SGCD: variants seen among roughly 807,000 people sequenced by gnomAD.
SGCD encodes sarcoglycan delta, also known as delta-sarcoglycan.
SGCD carries 18 observed loss-of-function variants against 36.6 expected under a neutral mutation model. That is an observed-to-expected ratio of 0.49 (90% CI 0.34 to 0.73). The LOEUF (loss-of-function observed/expected upper bound fraction) is 0.73, where lower values mean the gene tolerates loss of function less well. Among genes scored for constraint, SGCD ranks in the 30% least tolerant of loss-of-function variants. The probability of loss-of-function intolerance (pLI) is 0.01; values close to 1 mark genes in which losing one functional copy is unlikely to be tolerated. For synonymous variants in SGCD, 133 were observed against 130.6 expected, an observed-to-expected ratio of 1.02 and a Z score of -0.12; for missense variants, 387 against 346.7, an observed-to-expected ratio of 1.12 and a Z score of -0.92.
At chr5:156,354,528 C>T (rs141329433) in intron 3 of SGCD, among the ~76,000 whole-genome samples, 7 of 152,270 alleles carry the variant, frequency 4.6e-5, no homozygotes, top group African/African-American at 1.7e-4. Flanking sequence ...GGACAATATT[C>T]GTGACCTTTT....
chr5:155,868,569 G>A (rs1056718976), upstream of SGCD, among the ~76,000 whole-genome samples: 2 of 151,944 alleles, frequency 1.3e-5, no homozygotes, highest in African/African-American at 2.4e-5. Flanking sequence ...GTAAGTAGAT[G>A]ATAGAAGCAG....
At chr5:156,149,814 G>A (rs1299367317) in intron 3 of SGCD, among the ~76,000 whole-genome samples, 1 of 152,202 alleles carries the variant, frequency 6.6e-6, no homozygotes, top group Non-Finnish European at 1.5e-5. Flanking sequence ...TCATTTGTGA[G>A]ATGCTGAAAG....
rs1258384385 is a variant in SGCD, at chr5:156,345,137, C to G, written c.192+460C>G. Among the ~76,000 whole-genome samples the G allele has an allele frequency of 2.0e-5, 3 of 152,164 alleles. No individual in the cohort carries two copies. The East Asian group carries it at 5.8e-4, about 29-fold the overall frequency. On this transcript the variant is annotated intron_variant, in intron 3 of 8. Transcript: ENST00000337851. ...ATTTTAACTATTTATGCTTGATTATCCATCACTCTGGTTAGTTAAGAATAT... is the reference window on the plus strand; with the variant it reads ...ATTTTAACTATTTATGCTTGATTATGCATCACTCTGGTTAGTTAAGAATAT...
chr5:156,447,257 A>T (rs1241507971), intron 3 of SGCD, among the ~76,000 whole-genome samples: 1 of 152,220 alleles, frequency 6.6e-6, no homozygotes, highest in Admixed American at 6.5e-5. Context: ...TTCTGTACAG[A>T]TAGAACCATA....
At chr5:156,495,786 A>G (rs1756156328) in intron 3 of SGCD, among the ~76,000 whole-genome samples, 1 of 152,168 alleles carries the variant, frequency 6.6e-6, no homozygotes, top group Non-Finnish European at 1.5e-5. Flanking sequence ...AGGATTTATA[A>G]GCTCACATTT....
At chr5:156,623,212 T>C (rs61044856) in intron 6 of SGCD, among the ~76,000 whole-genome samples, 5 of 152,088 alleles carry the variant, frequency 3.3e-5, no homozygotes, top group Non-Finnish European at 7.4e-5. Flanking sequence ...AGTATTGCAG[T>C]GGGCACTGTG....
chr5:156,406,819 T>TATAC (rs1427064578), intron 3 of SGCD, among the ~76,000 whole-genome samples: 18 of 104,306 alleles, frequency 1.7e-4, no homozygotes, highest in East Asian at 6.8e-4. Context: ...TATATATATA[T>TATAC]ACACACACAC....
chr5:156,408,918 G>C (rs985702775), intron 3 of SGCD, among the ~76,000 whole-genome samples: 2 of 152,100 alleles, frequency 1.3e-5, no homozygotes, highest in Admixed American at 6.6e-5. Context: ...TATAAAGGGG[G>C]GTAATAGCCC....
At chr5:156,233,614 C>A (rs1296088359) in intron 3 of SGCD, among the ~76,000 whole-genome samples, 1 of 152,212 alleles carries the variant, frequency 6.6e-6, no homozygotes, top group African/African-American at 2.4e-5. Flanking sequence ...TACAGTGTCA[C>A]ATTTTTGTGT....
chr5:155,735,190 A>G, the SGCD span, among the ~76,000 whole-genome samples: 244 of 152,354 alleles, frequency 1.6e-3, no homozygotes, highest in African/African-American at 5.2e-3. Context: ...ATGAGGTCTA[A>G]TGCGTCCCTA....
At chr5:156,584,916 A>C (rs1760431101) in intron 4 of SGCD, among the ~76,000 whole-genome samples, 1 of 152,182 alleles carries the variant, frequency 6.6e-6, no homozygotes, top group Non-Finnish European at 1.5e-5. Flanking sequence ...TGATCTGAGC[A>C]TTCAGTTATT....
the SGCD span, among the ~76,000 whole-genome samples, chr5:155,797,582 C>A: frequency 0.86 from 131,207 of 152,130 alleles, 56,696 homozygotes; most frequent in East Asian, 0.99. Context: ...AGTTCCACTA[C>A]AGATCCTTGG....
chr5:155,867,329 A>T (rs1755543224), upstream of SGCD, among the ~76,000 whole-genome samples: 1 of 152,166 alleles, frequency 6.6e-6, no homozygotes, highest in Admixed American at 6.5e-5. Flanking sequence ...GTAATTGGTG[A>T]TGGGGAAATG....
intron 1 of SGCD, among the ~76,000 whole-genome samples, chr5:155,977,418 A>C (rs1020866249): frequency 2.0e-5 from 3 of 152,252 alleles, no homozygotes; most frequent in African/African-American, 7.2e-5. Context: ...TATAAACTCC[A>C]TAATACTGGC....
At chr5:156,107,850 G>A (rs1008269622) in intron 1 of SGCD, among the ~76,000 whole-genome samples, 3 of 152,066 alleles carry the variant, frequency 2.0e-5, no homozygotes, top group South Asian at 4.1e-4. Context: ...GATTTACATA[G>A]TGTTTATAAT....
chr5:156,355,233 TACA>T (rs1300094182), intron 3 of SGCD, among the ~76,000 whole-genome samples: 1 of 152,218 alleles, frequency 6.6e-6, no homozygotes, highest in Non-Finnish European at 1.5e-5. Context: ...TGCCTCACCA[TACA>T]ACAATTTTTG....
intron 3 of SGCD, among the ~76,000 whole-genome samples, chr5:156,289,761 C>A (rs1431182983): frequency 6.6e-6 from 1 of 151,974 alleles, no homozygotes; most frequent in South Asian, 2.1e-4. Context: ...TCAAGCAATC[C>A]GCCCGTCCTA....
At chr5:156,191,986 G>T (rs1033248322) in intron 3 of SGCD, among the ~76,000 whole-genome samples, 2 of 152,170 alleles carry the variant, frequency 1.3e-5, no homozygotes. Context: ...GATGATTGAG[G>T]AAGTTGTCAG....
intron 1 of SGCD, among the ~76,000 whole-genome samples, chr5:156,013,028 T>TG (rs1758892991): frequency 6.7e-6 from 1 of 150,246 alleles, no homozygotes; most frequent in African/African-American, 2.4e-5. Context: ...TTAGGTGTTT[T>TG]TTTTTTTTTT....
Sources: gnomAD v4.1 joint callset for allele counts (sites outside exome capture counted in the v4.1 genomes callset) on GRCh38, gnomAD v4.1.1 for gene constraint, MANE v1.5 for transcripts, NCBI Gene and HGNC (gene_info 2026-07-23, HGNC 2026-07-21) for gene names.